PTPRK: variants seen among roughly 807,000 people sequenced by gnomAD.
PTPRK encodes protein tyrosine phosphatase receptor type K, also known as receptor-type tyrosine-protein phosphatase kappa.
A neutral mutation model predicts 178.0 loss-of-function variants in PTPRK; 75 were observed. That is an observed-to-expected ratio of 0.42 (90% confidence interval 0.35 to 0.51). The LOEUF (loss-of-function observed/expected upper bound fraction) is 0.51, where lower values mean the gene tolerates loss of function less well. Ranked by LOEUF, PTPRK falls within the 20% of genes least tolerant of loss-of-function variation. The probability of loss-of-function intolerance (pLI) is 0.02; values close to 1 mark genes in which losing one functional copy is unlikely to be tolerated. For missense variants in PTPRK, 1,441 were observed against 1,797.8 expected, an observed-to-expected ratio of 0.80 and a Z score of 3.59; for synonymous variants, 637 against 620.6, an observed-to-expected ratio of 1.03 and a Z score of -0.39.
At chr6:128,397,498 T>C in intron 2 of PTPRK, 68 bp downstream of exon 2, 2 of 1,564,540 alleles carry the variant, frequency 1.3e-6, no homozygotes. Context: ...TTGTTACACT[T>C]TAAATAAGAA....
At chr6:128,343,535 T>C (rs2128332952) in intron 2 of PTPRK, among the ~76,000 whole-genome samples, 1 of 150,350 alleles carries the variant, frequency 6.7e-6, no homozygotes, top group Non-Finnish European at 1.5e-5. Context: ...AAAGAATCAA[T>C]ATTTTCATCA....
intron 7 of PTPRK, among the ~76,000 whole-genome samples, chr6:128,182,798 T>C (rs181832020): frequency 1.9e-3 from 284 of 152,284 alleles, no homozygotes; most frequent in South Asian, 7.9e-3. Context: ...GCAATCTCCA[T>C]GGCTTTCACA....
intron 2 of PTPRK, among the ~76,000 whole-genome samples, chr6:128,352,097 T>C: frequency 6.6e-6 from 1 of 151,472 alleles, no homozygotes; most frequent in African/African-American, 2.4e-5. Context: ...CTACCAAAAA[T>C]ACAAAAATTA....
chr6:128,142,519 A>AT (rs918944808), intron 7 of PTPRK, among the ~76,000 whole-genome samples: 18 of 151,680 alleles, frequency 1.2e-4, no homozygotes, highest in African/African-American at 4.1e-4. Context: ...GTGTGTGTGT[A>AT]AAATATATGG....
chr6:128,325,234 A>T (rs1205974778), intron 2 of PTPRK, among the ~76,000 whole-genome samples: 1 of 152,164 alleles, frequency 6.6e-6, no homozygotes, highest in Non-Finnish European at 1.5e-5. Context: ...TGCAACCTTT[A>T]TAGACAGCAA....
rs150703305 is a variant in PTPRK at position 128,498,830 on chromosome 6, T to A, written c.100+21429A>T. ...GACAGGCAGCGGACAGCTACTCTGC[T>A]AGCTATTTTCAATTACTGAAATATC... On this transcript the variant is annotated intron_variant, in intron 1 of 29. Coordinates refer to ENST00000368226, the MANE Select transcript of PTPRK (RefSeq NM_002844.4). Among the ~76,000 whole-genome samples, 63 of 152,320 alleles carry A rather than the reference T, an allele frequency of 4.1e-4. 1 individual carries two copies. In the Middle Eastern group the frequency reaches 0.014, roughly 33 times the overall value.
intron 1 of PTPRK, among the ~76,000 whole-genome samples, chr6:128,478,171 A>C (rs1851609478): frequency 6.6e-6 from 1 of 152,168 alleles, no homozygotes; most frequent in Admixed American, 6.5e-5. Context: ...AAGATCAAAG[A>C]GTTTAAAAAT....
intron 7 of PTPRK, among the ~76,000 whole-genome samples, chr6:128,122,942 A>G (rs1017521510): frequency 6.6e-6 from 1 of 152,168 alleles, no homozygotes; most frequent in Admixed American, 6.5e-5. Flanking sequence ...GGCATGGTGT[A>G]AGTGGGTGGA....
chr6:128,470,515 T>C (rs1850482210), intron 1 of PTPRK, among the ~76,000 whole-genome samples: 1 of 152,070 alleles, frequency 6.6e-6, no homozygotes, highest in Admixed American at 6.6e-5. Context: ...GTCTCTGCTT[T>C]ACTATAGCAC....
In PTPRK at chr6:127,970,054, C is replaced by T. The variant is rs3190930; in HGVS notation, c.*173G>A. The T allele has an allele frequency of 0.2, 97,408 of 494,634 alleles. 10,922 individuals carry two copies. The highest frequency in any genetic ancestry group is 0.23 in the Non-Finnish European group (65,555 of 280,408). The allele number at this position is 494,634 out of a possible 1,614,324, so 30.6% of individuals were successfully genotyped here. On this transcript the variant is annotated 3_prime_UTR_variant, in exon 30 of 30. Transcript: ENST00000368226. ...ATATAGTAATAAAAACTAATTCAGT[C>T]CTTTTTATTAAGATACACAACTTCA...
At chr6:128,470,245 T>C (rs2128417834) in intron 1 of PTPRK, among the ~76,000 whole-genome samples, 1 of 147,654 alleles carries the variant, frequency 6.8e-6, no homozygotes, top group South Asian at 2.1e-4. Context: ...TATTCATCCT[T>C]GGGTCTCAGT....
intron 1 of PTPRK, among the ~76,000 whole-genome samples, chr6:128,425,306 T>C (rs564643579): frequency 6.6e-6 from 1 of 152,162 alleles, no homozygotes; most frequent in Non-Finnish European, 1.5e-5. Flanking sequence ...CTCGATCTCC[T>C]GACCTGGTGA....
At chr6:128,010,703 C>T (rs528344327) in intron 13 of PTPRK, among the ~76,000 whole-genome samples, 257 of 151,278 alleles carry the variant, frequency 1.7e-3, no homozygotes, top group African/African-American at 5.8e-3. Context: ...CAAATAAAAG[C>T]GTCAGAACAG....
chr6:128,332,929 T>C (rs1335434612), intron 2 of PTPRK, among the ~76,000 whole-genome samples: 3 of 152,208 alleles, frequency 2.0e-5, no homozygotes, highest in Non-Finnish European at 4.4e-5. Flanking sequence ...AGAACTCTTG[T>C]TTTAAGATTT....
chr6:128,280,443 C>A (rs753838857), intron 3 of PTPRK, among the ~76,000 whole-genome samples: 3 of 152,084 alleles, frequency 2.0e-5, no homozygotes, highest in Non-Finnish European at 4.4e-5. Flanking sequence ...GAAAGTTTAT[C>A]AAAGAAAATA....
chr6:128,224,575 T>C (rs1279061876), intron 5 of PTPRK, among the ~76,000 whole-genome samples: 1 of 152,182 alleles, frequency 6.6e-6, no homozygotes, highest in East Asian at 1.9e-4. Context: ...TTTAGATATA[T>C]TGTATCAAAA....
intron 5 of PTPRK, among the ~76,000 whole-genome samples, chr6:128,229,183 A>C (rs1811898333): frequency 6.6e-6 from 1 of 152,242 alleles, no homozygotes; most frequent in South Asian, 2.1e-4. Flanking sequence ...TAAGTAGAAG[A>C]AAGTATATTA....
At chr6:128,375,460 T>C (rs992524241) in intron 2 of PTPRK, among the ~76,000 whole-genome samples, 1 of 151,668 alleles carries the variant, frequency 6.6e-6, no homozygotes, top group African/African-American at 2.4e-5. Context: ...GAGAATAGCA[T>C]GGGAAAGACC....
chr6:128,136,210 G>C (rs566690798), intron 7 of PTPRK, among the ~76,000 whole-genome samples: 1 of 152,304 alleles, frequency 6.6e-6, no homozygotes, highest in South Asian at 2.1e-4. Context: ...TTTGATTTCA[G>C]ACTTGCAGCC....
Sources: allele counts gnomAD v4.1 joint callset (sites outside exome capture counted in the v4.1 genomes callset), GRCh38; gene constraint gnomAD v4.1.1; transcripts MANE v1.5; gene names NCBI Gene and HGNC (gene_info 2026-07-23, HGNC 2026-07-21).